Variants in TENM3 observed in about 807,000 individuals in gnomAD.
TENM3 encodes teneurin-3.
In TENM3, 63 loss-of-function variants were observed where a neutral mutation model predicts 255.1. That is an observed-to-expected ratio of 0.25 (90% confidence interval 0.20 to 0.30). The LOEUF is 0.30. Among genes scored for constraint, TENM3 ranks in the 10% least tolerant of loss-of-function variants. The pLI, the probability that TENM3 is intolerant of heterozygous loss-of-function variation, is 1.00. For synonymous variants in TENM3, 1,306 were observed against 1,322.3 expected, an observed-to-expected ratio of 0.99 and a Z score of 0.27; for missense variants, 2,929 against 3,461.1, an observed-to-expected ratio of 0.85 and a Z score of 3.86.
At chr4:182,567,228 G>A (rs1305592726) in intron 3 of TENM3, among the ~76,000 whole-genome samples, 1 of 152,154 alleles carries the variant, frequency 6.6e-6, no homozygotes, top group African/African-American at 2.4e-5. Context: ...GTCAAAGTAT[G>A]TTCAGAATTC....
chr4:182,160,969 A>T (rs1253699225), intron 1 of TENM3, among the ~76,000 whole-genome samples: 3 of 152,148 alleles, frequency 2.0e-5, no homozygotes, highest in African/African-American at 7.2e-5. Flanking sequence ...TTAAAAATAT[A>T]ATCTAAAAAT....
intron 1 of TENM3, among the ~76,000 whole-genome samples, chr4:182,165,401 C>G (rs565166453): frequency 6.6e-6 from 1 of 152,316 alleles, no homozygotes; most frequent in South Asian, 2.1e-4. Context: ...TTTGGAAAGA[C>G]TTCAGGTTGA....
chr4:181,456,674 T>C, the TENM3 span, among the ~76,000 whole-genome samples: 1 of 151,900 alleles, frequency 6.6e-6, no homozygotes, highest in Non-Finnish European at 1.5e-5. Flanking sequence ...AGATTAGATA[T>C]ATAAATATGT....
chr4:182,524,671 C>T (rs1026298704), intron 3 of TENM3, among the ~76,000 whole-genome samples: 2 of 151,756 alleles, frequency 1.3e-5, no homozygotes, highest in Non-Finnish European at 2.9e-5. Flanking sequence ...TGACAAACCT[C>T]TTTTAAAACC....
the TENM3 span, among the ~76,000 whole-genome samples, chr4:181,731,064 G>A: frequency 6.6e-6 from 1 of 152,162 alleles, no homozygotes; most frequent in Non-Finnish European, 1.5e-5. Context: ...TCATGTCTGT[G>A]CAAGAGATGT....
the TENM3 span, among the ~76,000 whole-genome samples, chr4:181,625,585 T>C: frequency 2.0e-5 from 3 of 152,038 alleles, no homozygotes; most frequent in Non-Finnish European, 4.4e-5. Context: ...GGCCAAGGCA[T>C]GCTGATCACG....
chr4:181,798,501 A>G, the TENM3 span, among the ~76,000 whole-genome samples: 2 of 152,018 alleles, frequency 1.3e-5, no homozygotes, highest in African/African-American at 4.8e-5. Flanking sequence ...GGATAGCATC[A>G]TGGTGCTTAG....
chr4:181,666,921 C>T, the TENM3 span, among the ~76,000 whole-genome samples: 1 of 152,156 alleles, frequency 6.6e-6, no homozygotes, highest in Non-Finnish European at 1.5e-5. Context: ...TGAAATGCTA[C>T]AGAGACGTTT....
the TENM3 span, among the ~76,000 whole-genome samples, chr4:181,739,683 T>C: frequency 6.6e-5 from 10 of 152,318 alleles, no homozygotes; most frequent in East Asian, 1.9e-3. Flanking sequence ...TACCTCAGTA[T>C]GGTCTATGCT....
chr4:182,085,013 G>A, the TENM3 span: 1 of 152,164 alleles, frequency 6.6e-6, no homozygotes, highest in Non-Finnish European at 1.5e-5. Flanking sequence ...GGAACTGCCT[G>A]AGAATGCGTC....
chr4:182,705,696 C>A (rs763423365), intron 12 of TENM3, among the ~76,000 whole-genome samples: 1 of 152,140 alleles, frequency 6.6e-6, no homozygotes, highest in African/African-American at 2.4e-5. Flanking sequence ...ATGTCTCAGC[C>A]GGACAGGAAC....
the TENM3 span, among the ~76,000 whole-genome samples, chr4:181,890,233 G>A: frequency 6.6e-6 from 1 of 152,170 alleles, no homozygotes; most frequent in Non-Finnish European, 1.5e-5. Context: ...CCAGCTTTAG[G>A]TGGTTTAATT....
At chr4:182,174,310 G>A (rs1752303766) in intron 1 of TENM3, among the ~76,000 whole-genome samples, 1 of 150,712 alleles carries the variant, frequency 6.6e-6, no homozygotes, top group South Asian at 2.1e-4. Flanking sequence ...TTTATATACA[G>A]CATTAACTCG....
chr4:182,377,424 G>A (rs1767252831), intron 3 of TENM3, among the ~76,000 whole-genome samples: 1 of 151,960 alleles, frequency 6.6e-6, no homozygotes, highest in African/African-American at 2.4e-5. Context: ...AGCGATTCTC[G>A]TGCCTCAGCC....
the TENM3 span, among the ~76,000 whole-genome samples, chr4:181,564,928 T>C: frequency 7.9e-5 from 12 of 152,326 alleles, no homozygotes; most frequent in Middle Eastern, 3.4e-3. Flanking sequence ...CAAACTGTTC[T>C]CTCATTGAAG....
At chr4:182,005,806 T>C in the TENM3 span, among the ~76,000 whole-genome samples, 2 of 152,190 alleles carry the variant, frequency 1.3e-5, no homozygotes, top group African/African-American at 4.8e-5. Context: ...CCTGTATTCC[T>C]AGGTGTTTTA....
chr4:181,595,107 T>C, the TENM3 span, among the ~76,000 whole-genome samples: 1 of 152,134 alleles, frequency 6.6e-6, no homozygotes, highest in African/African-American at 2.4e-5. Context: ...TCATTCCATC[T>C]ACCACTTCAC....
chr4:181,788,478 G>C, the TENM3 span, among the ~76,000 whole-genome samples: 1 of 152,120 alleles, frequency 6.6e-6, no homozygotes, highest in Admixed American at 6.6e-5. Context: ...TTTCTGAATG[G>C]GAAATTTGCC....
the TENM3 span, among the ~76,000 whole-genome samples, chr4:181,770,654 A>G: frequency 1.7e-4 from 24 of 140,330 alleles, no homozygotes; most frequent in Middle Eastern, 3.9e-3. Context: ...CAGCCTGGGC[A>G]ACAGAGCCAG....
Sources: allele counts gnomAD v4.1 joint callset (sites outside exome capture counted in the v4.1 genomes callset), GRCh38; gene constraint gnomAD v4.1.1; transcripts MANE v1.5; gene names NCBI Gene and HGNC (gene_info 2026-07-23, HGNC 2026-07-21).